Variants in PLPPR5 observed in about 807,000 individuals in gnomAD.
PLPPR5 encodes phospholipid phosphatase-related protein type 5.
In PLPPR5, 16 loss-of-function variants were observed where a neutral mutation model predicts 33.9. The observed-to-expected ratio is 0.47, with a 90% CI of 0.32 to 0.72. PLPPR5 has a LOEUF of 0.72. PLPPR5 is among the 30% of genes least tolerant of loss of function. PLPPR5 has a pLI of 0.03. For synonymous variants in PLPPR5, 163 were observed against 150.3 expected (o/e 1.08, Z -0.62); for missense variants, 301 against 406.7 (o/e 0.74, Z 2.23).
In PLPPR5 at chr1:98,923,658, C is replaced by T. The variant is rs78888529; in HGVS notation, c.622-1600G>A. ...TTACAATCCATCCCAGGTCTCAATACTCTGGGGCAGGGGGAGCTGAACTGT... is the reference window on the plus strand; with the variant it reads ...TTACAATCCATCCCAGGTCTCAATATTCTGGGGCAGGGGGAGCTGAACTGT... On this transcript the variant is annotated intron_variant, in intron 3 of 5. Coordinates refer to ENST00000263177, the MANE Select transcript of PLPPR5 (RefSeq NM_001037317.2). Among the ~76,000 whole-genome samples the T allele has an allele frequency of 1.4e-4, 22 of 152,280 alleles. 1 individual carries two copies. The East Asian group carries it at 2.7e-3, about 19-fold the overall frequency.
At chr1:98,979,726 C>T (rs986909742) in intron 1 of PLPPR5, among the ~76,000 whole-genome samples, 1 of 152,044 alleles carries the variant, frequency 6.6e-6, no homozygotes, top group African/African-American at 2.4e-5. Flanking sequence ...CTCTGCAACC[C>T]AGATCGTGTG....
rs1219029084 is a variant in PLPPR5, at chr1:98,907,170, T to C, written c.933+7616A>G. On this transcript the variant is annotated intron_variant, in intron 5 of 5. Coordinates refer to ENST00000263177, the MANE Select transcript of PLPPR5 (RefSeq NM_001037317.2). ...CCTTGACTGTGGAAAGAAGATGCTA[T>C]CTAAAATAAATTTAATTGTATTTAT... is the stretch of plus-strand genomic sequence containing the variant. 2.6e-5 allele frequency among the ~76,000 whole-genome samples: 4 copies of C among 152,018 alleles called. No individual in the cohort carries two copies. The East Asian group carries it at 7.7e-4, about 29-fold the overall frequency.
chr1:98,964,393 T>TG (rs1428344699), intron 1 of PLPPR5, among the ~76,000 whole-genome samples: 1 of 152,032 alleles, frequency 6.6e-6, no homozygotes, highest in Non-Finnish European at 1.5e-5. Context: ...GTGGTCCCAG[T>TG]GGGAAGGATC....
At chr1:98,987,808 CT>C (rs202107870) in intron 1 of PLPPR5, among the ~76,000 whole-genome samples, 41 of 151,818 alleles carry the variant, frequency 2.7e-4, no homozygotes, top group East Asian at 9.7e-4. Flanking sequence ...GCATTTTACA[CT>C]TTTTTTTAAC....
chr1:98,898,270 T>C (rs1370262124), intron 5 of PLPPR5, among the ~76,000 whole-genome samples: 1 of 152,146 alleles, frequency 6.6e-6, no homozygotes, highest in Admixed American at 6.6e-5. Context: ...TATTTTGAAT[T>C]CTGTAAAAAC....
At chr1:98,965,380 T>C (rs1651404042) in intron 1 of PLPPR5, among the ~76,000 whole-genome samples, 1 of 133,386 alleles carries the variant, frequency 7.5e-6, no homozygotes, top group African/African-American at 2.8e-5. Flanking sequence ...TCCTCGAATC[T>C]TGCCCTGCCT....
At chr1:98,908,913 T>C (rs150127253) in intron 5 of PLPPR5, among the ~76,000 whole-genome samples, 2 of 152,140 alleles carry the variant, frequency 1.3e-5, no homozygotes, top group African/African-American at 4.8e-5. Context: ...CTTTTGTCAA[T>C]CTGAACATAT....
At chr1:98,931,862 A>G (rs891030204) in intron 3 of PLPPR5, among the ~76,000 whole-genome samples, 5 of 152,192 alleles carry the variant, frequency 3.3e-5, no homozygotes, top group African/African-American at 1.2e-4. Flanking sequence ...GAATTTTAAA[A>G]TATCACTTTG....
intron 1 of PLPPR5, among the ~76,000 whole-genome samples, chr1:98,979,062 T>C (rs1050967680): frequency 2.0e-5 from 3 of 152,064 alleles, no homozygotes; most frequent in East Asian, 1.9e-4. Flanking sequence ...TTTCACCTGA[T>C]ACTCATTTAT....
chr1:98,921,843 A>C, intron 4 of PLPPR5, 39 bp downstream of exon 4: 1 of 1,534,084 alleles, frequency 6.5e-7, no homozygotes, highest in Non-Finnish European at 8.9e-7. Flanking sequence ...ATGCAAGTTA[A>C]TTAAAAACCC....
rs1186237062 is a variant in PLPPR5, at chr1:98,892,758, T to G, written c.*314A>C. ...GAGATTTCTTTTAACATAATTGCAATGATTCTGTGAGAAACTAAAGTGAAT... is the reference window on the plus strand; with the variant it reads ...GAGATTTCTTTTAACATAATTGCAAGGATTCTGTGAGAAACTAAAGTGAAT... On this transcript the variant is annotated 3_prime_UTR_variant, in exon 6 of 6. Coordinates refer to ENST00000263177, the MANE Select transcript of PLPPR5 (RefSeq NM_001037317.2). 4 of 260,846 alleles carry G rather than the reference T, an allele frequency of 1.5e-5. No individual in the cohort carries two copies. Among genetic ancestry groups the G allele is most frequent in the Non-Finnish European group, 2.9e-5 (4 of 139,380 alleles). 16.2% of individuals were successfully genotyped at this position (260,846 alleles called of 1,614,324 possible). A position where few individuals can be genotyped will look rare whatever the true frequency, so the allele number is the denominator to read the frequency against.
At chr1:99,000,586 G>A (rs1435652924) in intron 1 of PLPPR5, among the ~76,000 whole-genome samples, 1 of 122,604 alleles carries the variant, frequency 8.2e-6, no homozygotes, top group Non-Finnish European at 1.8e-5. Context: ...ACGGAGTGAT[G>A]TCCTAACTCA....
At chr1:98,898,085 A>G (rs988652063) in intron 5 of PLPPR5, among the ~76,000 whole-genome samples, 1 of 152,172 alleles carries the variant, frequency 6.6e-6, no homozygotes, top group African/African-American at 2.4e-5. Flanking sequence ...CAAAGTTTAA[A>G]ACCCAACAAA....
intron 3 of PLPPR5, among the ~76,000 whole-genome samples, chr1:98,948,469 G>T (rs76591278): frequency 6.6e-6 from 1 of 152,250 alleles, no homozygotes. Context: ...TCCCATCCCA[G>T]TAAATTCTCC....
intron 1 of PLPPR5, among the ~76,000 whole-genome samples, chr1:98,998,703 C>T (rs966937112): frequency 3.3e-5 from 5 of 152,116 alleles, no homozygotes; most frequent in African/African-American, 9.7e-5. Context: ...ATTGCCATCA[C>T]GGGACTCCAG....
At chr1:99,003,236 T>C (rs550992063) in intron 1 of PLPPR5, among the ~76,000 whole-genome samples, 26 of 151,532 alleles carry the variant, frequency 1.7e-4, no homozygotes, top group African/African-American at 5.1e-4. Context: ...CTGATTTCTA[T>C]CTTATGTGTT....
intron 3 of PLPPR5, among the ~76,000 whole-genome samples, chr1:98,922,987 AAAC>A (rs200170346): frequency 3.3e-5 from 4 of 120,288 alleles, no homozygotes; most frequent in African/African-American, 1.1e-4. Context: ...TCTGTCTCAA[AAAC>A]AACAACAACA....
At chr1:98,984,045 G>A (rs1652156615) in intron 1 of PLPPR5, among the ~76,000 whole-genome samples, 1 of 151,570 alleles carries the variant, frequency 6.6e-6, no homozygotes, top group Admixed American at 6.6e-5. Flanking sequence ...TCCTGAGTCA[G>A]ACAGAAACTG....
intron 4 of PLPPR5, among the ~76,000 whole-genome samples, chr1:98,915,902 A>T (rs144210050): frequency 6.6e-6 from 1 of 152,310 alleles, no homozygotes; most frequent in Non-Finnish European, 1.5e-5. Context: ...GTTTGCTTAC[A>T]CAATAAACAA....
Sources: gnomAD v4.1 joint callset for allele counts (sites outside exome capture counted in the v4.1 genomes callset) on GRCh38, gnomAD v4.1.1 for gene constraint, MANE v1.5 for transcripts, NCBI Gene and HGNC (gene_info 2026-07-23, HGNC 2026-07-21) for gene names.